The following WLS variants were observed in gnomAD, a reference collection of about 807,000 sequenced individuals.
The protein encoded by WLS is protein wntless homolog.
Under a neutral mutation model 62.8 loss-of-function variants are expected in WLS, and 23 were observed. That is an observed-to-expected ratio of 0.37 (90% CI 0.26 to 0.52). The LOEUF (loss-of-function observed/expected upper bound fraction) is 0.52. WLS is among the 20% of genes least tolerant of loss of function. The pLI is 0.92. For synonymous variants in WLS, 246 were observed against 244.1 expected (o/e 1.01, Z -0.07); for missense variants, 615 against 697.3 (o/e 0.88, Z 1.33).
At chr1:68,221,347 T>C (rs575675225) in intron 1 of WLS, among the ~76,000 whole-genome samples, 2 of 152,204 alleles carry the variant, frequency 1.3e-5, no homozygotes, top group South Asian at 4.1e-4. Context: ...AAGCAAAACC[T>C]TTCTGAGATA....
At chr1:68,118,698 A>AC (rs1364678916) in intron 11 of WLS, among the ~76,000 whole-genome samples, 14 of 151,792 alleles carry the variant, frequency 9.2e-5, no homozygotes, top group Non-Finnish European at 1.9e-4. Flanking sequence ...ACATGGTGAA[A>AC]CCCCATCTCT....
Position 68,211,830 on chromosome 1 carries a change from C to A in WLS, c.107-17603G>T, listed in dbSNP as rs1649527789. 1.3e-5 allele frequency among the ~76,000 whole-genome samples: 2 copies of A among 152,190 alleles called. 1 individual carries two copies. Among genetic ancestry groups the A allele is most frequent in the South Asian group, 4.1e-4 (2 of 4,834 alleles). On this transcript the variant is annotated intron_variant, in intron 1 of 11. Coordinates refer to ENST00000262348, the MANE Select transcript of WLS (RefSeq NM_024911.7). ...GCAAGAAGCCTGGTGCTACACCTGACAGCTTTCAAATCACCATCAAATGAT... is the reference window on the plus strand; with the variant it reads ...GCAAGAAGCCTGGTGCTACACCTGAAAGCTTTCAAATCACCATCAAATGAT...
chr1:68,149,381 G>A (rs1646795547), intron 6 of WLS, among the ~76,000 whole-genome samples: 1 of 152,122 alleles, frequency 6.6e-6, no homozygotes, highest in Non-Finnish European at 1.5e-5. Context: ...GACACCTCAT[G>A]GAGAAAGACC....
intron 1 of WLS, chr1:68,231,482 CG>C: frequency 3.5e-6 from 1 of 285,618 alleles, no homozygotes; most frequent in Non-Finnish European, 7.0e-6. Context: ...CAACACCTTT[CG>C]GATACGCTTT....
At chr1:68,118,065 CTA>C (rs1322828991) in intron 11 of WLS, among the ~76,000 whole-genome samples, 1 of 151,618 alleles carries the variant, frequency 6.6e-6, no homozygotes, top group Admixed American at 6.6e-5. Context: ...AAACTAGAAA[CTA>C]TAAAAGAAAA....
At chr1:68,163,168 C>G (rs78613560) in intron 2 of WLS, 3 of 860,262 alleles carry the variant, frequency 3.5e-6, no homozygotes, top group African/African-American at 1.7e-5. Context: ...GCAGGAGTCT[C>G]CGTGCATGAC....
At chr1:68,108,149 G>A (rs1445240473) in intron 11 of WLS, among the ~76,000 whole-genome samples, 1 of 152,186 alleles carries the variant, frequency 6.6e-6, no homozygotes, top group Admixed American at 6.5e-5. Flanking sequence ...ATAGCTCTGT[G>A]CTGTGGGTGG....
intron 1 of WLS, among the ~76,000 whole-genome samples, chr1:68,206,871 A>G (rs1033540871): frequency 2.0e-5 from 3 of 152,234 alleles, no homozygotes; most frequent in Admixed American, 2.0e-4. Context: ...GTTTAAAGAA[A>G]AAGTTCCTAC....
chr1:68,131,585 C>T (rs1646525870), intron 11 of WLS, among the ~76,000 whole-genome samples: 1 of 152,092 alleles, frequency 6.6e-6, no homozygotes, highest in Admixed American at 6.5e-5. Context: ...AAAGCACCTC[C>T]TGACACTTAC....
chr1:68,167,366 T>A (rs1185331205), intron 2 of WLS, among the ~76,000 whole-genome samples: 2 of 152,212 alleles, frequency 1.3e-5, no homozygotes, highest in Non-Finnish European at 2.9e-5. Context: ...CCTGAATTGT[T>A]TTCTCTTCTG....
At chr1:68,199,209 A>G (rs1270099212) in intron 1 of WLS, among the ~76,000 whole-genome samples, 1 of 152,190 alleles carries the variant, frequency 6.6e-6, no homozygotes, top group Admixed American at 6.5e-5. Flanking sequence ...TTCTTTAGCA[A>G]TCACCTAGGA....
chr1:68,104,494 G>A (rs1350400964), intron 11 of WLS, among the ~76,000 whole-genome samples: 2 of 138,460 alleles, frequency 1.4e-5, no homozygotes, highest in Non-Finnish European at 3.2e-5. Context: ...TCCTTTGTAG[G>A]TGCAATATCA....
intron 2 of WLS, among the ~76,000 whole-genome samples, chr1:68,170,996 A>C (rs1647145398): frequency 6.6e-6 from 1 of 152,138 alleles, no homozygotes; most frequent in South Asian, 2.1e-4. Context: ...CTCTACCATC[A>C]AACAAGTGGT....
intron 1 of WLS, among the ~76,000 whole-genome samples, chr1:68,227,449 G>T (rs934392209): frequency 2.0e-5 from 3 of 150,040 alleles, no homozygotes; most frequent in African/African-American, 7.4e-5. Flanking sequence ...TTGTTAGCAT[G>T]AGCATGATTA....
intron 1 of WLS, among the ~76,000 whole-genome samples, chr1:68,230,582 T>TGC (rs147996071): frequency 0.46 from 65,412 of 142,200 alleles, 16,186 homozygotes; most frequent in Non-Finnish European, 0.6. Context: ...TGTGTGTGTG[T>TGC]GCGCGCGTGT....
Position 68,137,904 on chromosome 1 carries a change from G to T in WLS, c.1392C>A (p.Gly464=), listed in dbSNP as rs766409566. The change falls in exon 11 of 12, where the codon GGC becomes GGA. Residue 464 remains glycine (G), a synonymous_variant. Coordinates refer to ENST00000262348, the MANE Select transcript of WLS (RefSeq NM_024911.7). ...AGGCACTGTTCACTTGGACTGTGAC[G>T]CCGCCCCATTTCCAATGGCCTTCCG... ...QVTEGHWKWG[G]VTVQVNSAFF... 6.2e-7 allele frequency: 1 copy of T among 1,613,792 alleles called. No individual in the cohort carries two copies. Among genetic ancestry groups the T allele is most frequent in the African/African-American group, 1.3e-5 (1 of 74,890 alleles).
intron 11 of WLS, chr1:68,102,828 T>C (rs1377209981): frequency 1.3e-5 from 2 of 152,348 alleles, no homozygotes; most frequent in Non-Finnish European, 1.5e-5. Context: ...GGTGGCTTGA[T>C]TGCCTGGTCT....
intron 1 of WLS, among the ~76,000 whole-genome samples, chr1:68,203,827 T>G (rs997966631): frequency 6.6e-6 from 1 of 152,186 alleles, no homozygotes; most frequent in Admixed American, 6.5e-5. Flanking sequence ...ATGGCACAGT[T>G]TGACTCAGGA....
At chr1:68,163,630 T>C (rs574028046) in intron 2 of WLS, among the ~76,000 whole-genome samples, 1,808 of 33,656 alleles carry the variant, frequency 0.054, 29 homozygotes, top group Non-Finnish European at 0.075. Context: ...GAAGTCTTAA[T>C]GAGGAAAAAA....
Sources: gnomAD v4.1 joint callset for allele counts (sites outside exome capture counted in the v4.1 genomes callset) on GRCh38, gnomAD v4.1.1 for gene constraint, MANE v1.5 for transcripts, NCBI Gene and HGNC (gene_info 2026-07-23, HGNC 2026-07-21) for gene names.